HERC1: variants seen among roughly 807,000 people sequenced by gnomAD.
The protein encoded by HERC1 is HECT and RLD domain containing E3 ubiquitin protein ligase family member 1, also known as probable E3 ubiquitin-protein ligase HERC1.
HERC1 carries 160 observed loss-of-function variants against 554.3 expected under a neutral mutation model. That is an observed-to-expected ratio of 0.29 (90% CI 0.25 to 0.33). The LOEUF is 0.33. HERC1 is among the 10% of genes least tolerant of loss of function. The pLI, the probability that HERC1 is intolerant of heterozygous loss-of-function variation, is 1.00. For synonymous variants in HERC1, 2,175 were observed against 2,131.7 expected (o/e 1.02, Z -0.56); for missense variants, 4,919 against 5,918.5 (o/e 0.83, Z 5.54).
chr15:63,612,596 G>T lies in HERC1; in HGVS notation c.14095-40C>A, dbSNP rs377460066. On this transcript the variant is annotated intron_variant, in intron 76 of 77. Transcript: ENST00000443617. The surrounding 1 kb of genome is among the most constrained non-coding windows in gnomAD (Gnocchi z 5.0). Reference sequence around the variant, plus strand: ...GGTTGCTCATTCAATGAGTGTGCGTGAACCTGGCACCCACCAAGGGCCCTG... The same window carrying T: ...GGTTGCTCATTCAATGAGTGTGCGTTAACCTGGCACCCACCAAGGGCCCTG... The T allele has an allele frequency of 5.1e-6, 8 of 1,581,386 alleles. No homozygotes were observed. The African/African-American group carries it at 8.0e-5, about 16-fold the overall frequency.
chr15:63,736,902 C>T (rs1057398576), intron 12 of HERC1, among the ~76,000 whole-genome samples: 1 of 151,830 alleles, frequency 6.6e-6, no homozygotes, highest in Admixed American at 6.6e-5. Context: ...CCACCACGCC[C>T]GGCCATAGCA....
chr15:63,756,384 A>G lies in HERC1; in HGVS notation c.1533+53T>C, dbSNP rs1382406706. 7 of 1,427,262 alleles carry G rather than the reference A, an allele frequency of 4.9e-6. No homozygotes were observed. Among genetic ancestry groups the G allele is most frequent in the Middle Eastern group, 1.8e-4 (1 of 5,478 alleles). The allele number at this position is 1,427,262 out of a possible 1,614,324, so 88.4% of individuals were successfully genotyped here. ...CATCAAAATCTGAACGACATTGTCA[A>G]TTACAACTCCAATGCATCTAATTAT... On this transcript the variant is annotated intron_variant, in intron 5 of 77. Transcript: ENST00000443617. The surrounding 1 kb of genome is among the most constrained non-coding windows in gnomAD (Gnocchi z 5.0).
At chr15:63,696,933 T>TAA (rs10546655) in intron 26 of HERC1, among the ~76,000 whole-genome samples, 3 of 136,580 alleles carry the variant, frequency 2.2e-5, no homozygotes, top group African/African-American at 8.0e-5. Flanking sequence ...CCTTCTTCTT[T>TAA]AAAAAAAAAA....
chr15:63,762,033 T>C (rs553766635), intron 3 of HERC1, among the ~76,000 whole-genome samples: 17 of 152,290 alleles, frequency 1.1e-4, no homozygotes, highest in African/African-American at 3.4e-4. Context: ...AGCACCCTGA[T>C]TGTGGTCTTG....
At position 63,720,546 on chromosome 15, in the gene HERC1, A is replaced by G. The variant is rs181324745; in HGVS notation, c.3743-1649T>C. Among the ~76,000 whole-genome samples, 353 of 152,346 alleles carry G rather than the reference A, an allele frequency of 2.3e-3. 1 individual carries two copies. The highest frequency in any genetic ancestry group is 8.0e-3 in the African/African-American group (333 of 41,584). ...TCATCTCCAGAGATAAAAATGTTAT[A>G]TGCTGGTTTTCATTTCAGTATGCCT... On this transcript the variant is annotated intron_variant, in intron 19 of 77. Coordinates refer to ENST00000443617, the MANE Select transcript of HERC1 (RefSeq NM_003922.4).
At chr15:63,720,111 T>TTTTTTTTTTTTTTTTTTTTTTA (rs2073752258) in intron 19 of HERC1, among the ~76,000 whole-genome samples, 1 of 15,240 alleles carries the variant, frequency 6.6e-5, no homozygotes, top group African/African-American at 3.5e-4. Flanking sequence ...CCCTTTTTTT[T>TTTTTTTTTTTTTTTTTTTTTTA]TTTTTTTAAG....
chr15:63,662,057 A>C (rs770231572), intron 44 of HERC1, 36 bp from the exon 45 acceptor site: 1 of 1,588,940 alleles, frequency 6.3e-7, no homozygotes, highest in Admixed American at 1.7e-5. Flanking sequence ...TGATTAGTCA[A>C]TTTAACATAA....
rs1050334305 is a variant in HERC1 at position 63,677,639 on chromosome 15, T to G, written c.7070+206A>C. ...AACAGAACAAAAAGACTATGTATTTTTAAAACCCACTAGTATTTCAAAGAA... is the reference window on the plus strand; with the variant it reads ...AACAGAACAAAAAGACTATGTATTTGTAAAACCCACTAGTATTTCAAAGAA... On this transcript the variant is annotated intron_variant, in intron 37 of 77. Transcript: ENST00000443617. The surrounding 1 kb of genome is among the most constrained non-coding windows in gnomAD (Gnocchi z 4.4). Among the ~76,000 whole-genome samples, 2 of 152,238 alleles carry G rather than the reference T, an allele frequency of 1.3e-5. No individual in the cohort carries two copies. Among genetic ancestry groups the G allele is most frequent in the Non-Finnish European group, 2.9e-5 (2 of 68,050 alleles).
Position 63,645,637 on chromosome 15 carries a change from T to C in HERC1, c.10924A>G (p.Met3642Val), listed in dbSNP as rs1244655564. ...ACACTGTCTTCTTTGGCACATGTCA[T>C]AAGAATATGACCTGTAGGGTCCCAC... Reference protein sequence around the residue: ...MKWDPTGHILMTCAKEDSVKL... With the variant: ...MKWDPTGHILVTCAKEDSVKL... Residue 3642 changes from methionine to valine, a missense_variant, in exon 56 of 78, where the codon ATG becomes GTG. Met to Val is a conservative substitution (Grantham distance 21). This residue lies in a region of HERC1 where 1,963 missense variants were observed against 2,228.6 expected (regional missense o/e 0.88). Transcript: ENST00000443617. 11 of 1,610,548 alleles carry C rather than the reference T, an allele frequency of 6.8e-6. No individual in the cohort carries two copies. The highest frequency in any genetic ancestry group is 8.5e-6 in the Non-Finnish European group (10 of 1,178,392).
At chr15:63,665,009 G>A (rs2070547359) in intron 42 of HERC1, among the ~76,000 whole-genome samples, 1 of 152,130 alleles carries the variant, frequency 6.6e-6, no homozygotes. Flanking sequence ...TAGGACACAA[G>A]CCTTGGTTAC....
intron 1 of HERC1, among the ~76,000 whole-genome samples, chr15:63,787,860 G>A (rs1195186427): frequency 6.6e-6 from 1 of 150,384 alleles, no homozygotes; most frequent in Non-Finnish European, 1.5e-5. Context: ...AGCTGGGGAG[G>A]CATACTGGGG....
intron 24 of HERC1, among the ~76,000 whole-genome samples, chr15:63,708,022 T>A (rs978939499): frequency 1.9e-4 from 29 of 150,426 alleles, no homozygotes; most frequent in African/African-American, 6.8e-4. Context: ...TATATATAGA[T>A]ACATGTACCC....
intron 1 of HERC1, among the ~76,000 whole-genome samples, chr15:63,790,865 T>C (rs1175075967): frequency 6.6e-6 from 1 of 151,964 alleles, no homozygotes; most frequent in Non-Finnish European, 1.5e-5. Context: ...TGTATGACCA[T>C]ATTGTTTTCA....
intron 1 of HERC1, among the ~76,000 whole-genome samples, chr15:63,808,365 G>A (rs1250475774): frequency 6.6e-6 from 1 of 152,142 alleles, no homozygotes; most frequent in Non-Finnish European, 1.5e-5. Flanking sequence ...ACAGCTCACT[G>A]GAGCCTTGAA....
chr15:63,688,250 T>C (rs114651471), intron 33 of HERC1, among the ~76,000 whole-genome samples: 2,671 of 152,172 alleles, frequency 0.018, 77 homozygotes, highest in African/African-American at 0.062. Flanking sequence ...CTAGAGATTG[T>C]ATGGATAGAG....
chr15:63,791,121 A>G (rs1356509077), intron 1 of HERC1, among the ~76,000 whole-genome samples: 1 of 152,220 alleles, frequency 6.6e-6, no homozygotes, highest in Non-Finnish European at 1.5e-5. Flanking sequence ...ACATACAGAA[A>G]TTTGCAGTTT....
At chr15:63,611,319 G>GA in intron 77 of HERC1, among the ~76,000 whole-genome samples, 1 of 152,334 alleles carries the variant, frequency 6.6e-6, no homozygotes, top group Non-Finnish European at 1.5e-5. Flanking sequence ...GGGGGTCTCT[G>GA]AAAGGTCTAA....
chr15:63,787,396 A>C (rs1348391747), intron 1 of HERC1, among the ~76,000 whole-genome samples: 3 of 151,994 alleles, frequency 2.0e-5, no homozygotes, highest in South Asian at 4.2e-4. Context: ...ACCTCAGGTG[A>C]TCCACCTGCC....
chr15:63,755,222 A>G lies in HERC1; in HGVS notation c.1630+7T>C, dbSNP rs749432098. The G allele has an allele frequency of 5.5e-5, 87 of 1,587,954 alleles. No individual in the cohort carries two copies. In the East Asian group the frequency reaches 1.9e-3, roughly 34 times the overall value. ...GAAGAATAACTTACATTTTTAAAAA[A>G]TCTTACCTAATCTTCCAAAGTCTCC... On this transcript the variant is annotated splice_region_variant and intron_variant, in intron 6 of 77. Coordinates refer to ENST00000443617, the MANE Select transcript of HERC1 (RefSeq NM_003922.4).
Sources: allele counts gnomAD v4.1 joint callset (sites outside exome capture counted in the v4.1 genomes callset), GRCh38; gene constraint gnomAD v4.1.1; regional missense constraint gnomAD v4.1.1; non-coding constraint Gnocchi (gnomAD v3.1); transcripts MANE v1.5; gene names NCBI Gene and HGNC (gene_info 2026-07-23, HGNC 2026-07-21).